The following SLC12A7 variants were observed in gnomAD, a reference collection of about 807,000 sequenced individuals.
SLC12A7 encodes K-Cl cotransporter 4.
A neutral mutation model predicts 120.6 loss-of-function variants in SLC12A7; 100 were observed. That is an observed-to-expected ratio of 0.83 (90% CI 0.71 to 0.98). The LOEUF (loss-of-function observed/expected upper bound fraction) is 0.98, where lower values mean the gene tolerates loss of function less well. Ranked by LOEUF, SLC12A7 falls within the 50% of genes least tolerant of loss-of-function variation. The pLI is 0.00. For synonymous variants in SLC12A7, 760 were observed against 678.0 expected (o/e 1.12, Z -1.88); for missense variants, 1,373 against 1,548.1 (o/e 0.89, Z 1.90).
chr5:1,080,377 G>C (rs936216363), intron 9 of SLC12A7, among the ~76,000 whole-genome samples: 1 of 152,228 alleles, frequency 6.6e-6, no homozygotes, highest in Non-Finnish European at 1.5e-5. Context: ...GGCTGGAGCG[G>C]AGGTACAGGG....
At chr5:1,113,332 G>A (rs1030752556), upstream of SLC12A7, among the ~76,000 whole-genome samples, 9 of 152,242 alleles carry the variant, frequency 5.9e-5, no homozygotes, top group Non-Finnish European at 1.3e-4. Flanking sequence ...CAGCTGGAGG[G>A]GAGTGATGGC....
the SLC12A7 span, among the ~76,000 whole-genome samples, chr5:1,149,308 G>A: frequency 1.5e-4 from 23 of 152,216 alleles, no homozygotes; most frequent in African/African-American, 2.7e-4. Context: ...CAGGCGCGGC[G>A]GCTCACACCT....
intron 5 of SLC12A7, among the ~76,000 whole-genome samples, chr5:1,087,587 C>T (rs770434993): frequency 1.4e-4 from 21 of 152,302 alleles, no homozygotes; most frequent in African/African-American, 4.1e-4. Flanking sequence ...CCCTTGGCTG[C>T]GGAGGGAGAC....
chr5:1,155,717 G>A, the SLC12A7 span, among the ~76,000 whole-genome samples: 1 of 151,116 alleles, frequency 6.6e-6, no homozygotes, highest in East Asian at 1.9e-4. Context: ...TGGGAAGCGG[G>A]TCCTCGTCAG....
At chr5:1,098,066 C>G (rs573965833) in intron 1 of SLC12A7, among the ~76,000 whole-genome samples, 1 of 151,620 alleles carries the variant, frequency 6.6e-6, no homozygotes, top group Admixed American at 6.6e-5. Context: ...CCCTCTCTAA[C>G]CTTCTGCACA....
chr5:1,068,729 G>A (rs1019447226), intron 17 of SLC12A7, among the ~76,000 whole-genome samples: 3 of 152,284 alleles, frequency 2.0e-5, no homozygotes, highest in African/African-American at 7.2e-5. Flanking sequence ...AAGGGCTGTC[G>A]GACGGAGAGG....
chr5:1,140,814 T>C, the SLC12A7 span, among the ~76,000 whole-genome samples: 1 of 152,194 alleles, frequency 6.6e-6, no homozygotes. Context: ...GGGAGGGATG[T>C]GGTCACTGCA....
intron 1 of SLC12A7, among the ~76,000 whole-genome samples, chr5:1,100,822 A>T (rs941254061): frequency 9.9e-5 from 15 of 152,234 alleles, no homozygotes; most frequent in African/African-American, 3.6e-4. Flanking sequence ...AGAAACCGTC[A>T]CAGCCAAGAG....
chr5:1,094,195 G>T lies in SLC12A7; in HGVS notation c.178C>A (p.Gln60Lys). The change falls in exon 2 of 24, where the codon CAA becomes AAA. Residue 60 changes from glutamine (Q) to lysine (K), a missense_variant. Physicochemically the swap from Gln to Lys is moderately conservative, Grantham distance 53. Transcript: ENST00000264930. Reference sequence around the variant, plus strand: ...TTCTTCCCTTCAAAGAAGCTCTCTTGTTCCACCTCGACATTGTTGAGGAAT... The same window carrying T: ...TTCTTCCCTTCAAAGAAGCTCTCTTTTTCCACCTCGACATTGTTGAGGAAT... Reference protein sequence around the residue: ...SPFLNNVEVEQESFFEGKNMA... With the variant: ...SPFLNNVEVEKESFFEGKNMA... 6.2e-7 allele frequency: 1 copy of T among 1,613,686 alleles called. No individual in the cohort carries two copies. Among genetic ancestry groups the T allele is most frequent in the Non-Finnish European group, 8.5e-7 (1 of 1,179,882 alleles).
chr5:1,137,206 A>C, the SLC12A7 span, among the ~76,000 whole-genome samples: 10 of 152,102 alleles, frequency 6.6e-5, no homozygotes, highest in East Asian at 1.9e-3. Flanking sequence ...TCATGCCCCC[A>C]TCACAGGCGG....
At chr5:1,089,149 T>C in intron 3 of SLC12A7, 21 bp from the exon 4 acceptor site, 1 of 1,609,532 alleles carries the variant, frequency 6.2e-7, no homozygotes, top group Non-Finnish European at 8.5e-7. Context: ...GCATAGCGTG[T>C]CCCAGGGGCT....
chr5:1,120,710 C>A, the SLC12A7 span, among the ~76,000 whole-genome samples: 1 of 152,178 alleles, frequency 6.6e-6, no homozygotes. Flanking sequence ...CCACAGATGG[C>A]GTGTCCCTTC....
chr5:1,086,716 G>A lies in SLC12A7; in HGVS notation c.675+187C>T, dbSNP rs541585511. Among the ~76,000 whole-genome samples, 4 of 152,358 alleles carry A rather than the reference G, an allele frequency of 2.6e-5. No individual in the cohort carries two copies. In the South Asian group the frequency reaches 6.2e-4, roughly 24 times the overall value. ...ATGGTGCTCAAGGGGGACACAGGTC[G>A]CTGCTGAGTGGACGCTGCCCAGTGG... On this transcript the variant is annotated intron_variant, in intron 6 of 23. Coordinates refer to ENST00000264930, the MANE Select transcript of SLC12A7 (RefSeq NM_006598.3).
At chr5:1,111,329 G>A (rs1026725921) in intron 1 of SLC12A7, among the ~76,000 whole-genome samples, 4 of 152,160 alleles carry the variant, frequency 2.6e-5, no homozygotes, top group African/African-American at 9.6e-5. Flanking sequence ...GCAAGGCCCC[G>A]GTGGCTGCCC....
chr5:1,116,239 C>G (rs555281125), upstream of SLC12A7, among the ~76,000 whole-genome samples: 1 of 152,338 alleles, frequency 6.6e-6, no homozygotes, highest in South Asian at 2.1e-4. Context: ...CAAACAATGC[C>G]AGGCTCTTCC....
intron 6 of SLC12A7, among the ~76,000 whole-genome samples, chr5:1,085,738 G>GCGAGGGACGGAGC (rs1739794164): frequency 6.6e-6 from 1 of 152,220 alleles, no homozygotes; most frequent in African/African-American, 2.4e-5. Flanking sequence ...CAGCGCACAG[G>GCGAGGGACGGAGC]CCATGGACAG....
chr5:1,073,323 G>A (rs147185648), intron 17 of SLC12A7, among the ~76,000 whole-genome samples: 13 of 152,122 alleles, frequency 8.5e-5, no homozygotes, highest in East Asian at 1.9e-4. Flanking sequence ...CCTGAACAGC[G>A]GGAGACTGAG....
chr5:1,097,653 C>T (rs1473340079), intron 1 of SLC12A7, among the ~76,000 whole-genome samples: 7 of 152,166 alleles, frequency 4.6e-5, no homozygotes, highest in African/African-American at 1.4e-4. Context: ...TAAAGTAACA[C>T]AGACGATGAG....
At position 1,075,362 on chromosome 5, in the gene SLC12A7, A is replaced by G. The variant is rs376864760; in HGVS notation, c.1967+9T>C. The G allele has an allele frequency of 3.7e-5, 60 of 1,607,258 alleles. No homozygotes were observed. Among genetic ancestry groups the G allele is most frequent in the Admixed American group, 6.7e-5 (4 of 59,864 alleles). The stretch of plus-strand genomic sequence containing the variant: ...CGCCGGGTCTGTAAGGGGGGCTGAC[A>G]GCGCTTACCCGCGGTACTCGATGTA... On this transcript the variant is annotated intron_variant, in intron 15 of 23. Coordinates refer to ENST00000264930, the MANE Select transcript of SLC12A7 (RefSeq NM_006598.3).
Sources: gnomAD v4.1 joint callset for allele counts (sites outside exome capture counted in the v4.1 genomes callset) on GRCh38, gnomAD v4.1.1 for gene constraint, MANE v1.5 for transcripts, NCBI Gene and HGNC (gene_info 2026-07-23, HGNC 2026-07-21) for gene names.